The following COL25A1 variants were observed in gnomAD, a reference collection of about 807,000 sequenced individuals.
The protein encoded by COL25A1 is collagen alpha-1(XXV) chain.
A neutral mutation model predicts 128.4 loss-of-function variants in COL25A1; 103 were observed. The ratio of observed to expected loss-of-function variants is 0.80; its 90% CI spans 0.68 to 0.94. The LOEUF (loss-of-function observed/expected upper bound fraction) is 0.94. Ranked by LOEUF, COL25A1 falls within the 40% of genes least tolerant of loss-of-function variation. The probability of loss-of-function intolerance (pLI) is 0.00; values close to 1 mark genes in which losing one functional copy is unlikely to be tolerated. For missense variants in COL25A1, 745 were observed against 840.0 expected, an observed-to-expected ratio of 0.89 and a Z score of 1.40; for synonymous variants, 279 against 277.2, an observed-to-expected ratio of 1.01 and a Z score of -0.06.
At chr4:108,823,197 T>C (rs775252739) in intron 35 of COL25A1, among the ~76,000 whole-genome samples, 6 of 152,220 alleles carry the variant, frequency 3.9e-5, no homozygotes, top group Admixed American at 6.5e-5. Context: ...ACCTGAGAAA[T>C]ATAAGGTTTA....
chr4:108,951,956 T>G (rs1749490134), intron 8 of COL25A1, among the ~76,000 whole-genome samples: 1 of 152,116 alleles, frequency 6.6e-6, no homozygotes, highest in Non-Finnish European at 1.5e-5. Flanking sequence ...CTAATAAGAG[T>G]TTTAAGAAGG....
intron 6 of COL25A1, among the ~76,000 whole-genome samples, chr4:108,983,430 G>A (rs1337019889): frequency 6.6e-6 from 1 of 152,096 alleles, no homozygotes; most frequent in Admixed American, 6.5e-5. Flanking sequence ...TATAATTATC[G>A]ATTTCAGCAT....
At chr4:109,254,059 C>T (rs1037486191) in intron 3 of COL25A1, among the ~76,000 whole-genome samples, 2 of 151,180 alleles carry the variant, frequency 1.3e-5, no homozygotes, top group Admixed American at 6.6e-5. Flanking sequence ...TGCACTCCAG[C>T]CTGGGCGACA....
chr4:108,857,643 C>A (rs1167690268), intron 24 of COL25A1, among the ~76,000 whole-genome samples: 2 of 150,174 alleles, frequency 1.3e-5, no homozygotes, highest in East Asian at 1.9e-4. Context: ...AGGTACAGAT[C>A]TGTCATAATT....
intron 5 of COL25A1, among the ~76,000 whole-genome samples, chr4:109,047,909 T>C (rs1271310084): frequency 2.0e-5 from 3 of 151,930 alleles, no homozygotes; most frequent in African/African-American, 7.2e-5. Context: ...ATTTTTTGTA[T>C]TTTTAGTACA....
intron 3 of COL25A1, among the ~76,000 whole-genome samples, chr4:109,268,594 T>C (rs1049137778): frequency 2.6e-5 from 4 of 152,186 alleles, no homozygotes; most frequent in Admixed American, 2.6e-4. Flanking sequence ...ATTAAATATA[T>C]AGAGCCAAAG....
intron 18 of COL25A1, among the ~76,000 whole-genome samples, chr4:108,888,620 C>T (rs1243690497): frequency 6.6e-6 from 1 of 152,102 alleles, no homozygotes; most frequent in African/African-American, 2.4e-5. Flanking sequence ...AATAAAAAAA[C>T]AAAAACTAAT....
chr4:109,243,149 T>C (rs1780018526), intron 3 of COL25A1, among the ~76,000 whole-genome samples: 1 of 152,094 alleles, frequency 6.6e-6, no homozygotes, highest in African/African-American at 2.4e-5. Flanking sequence ...ACTATTTGAA[T>C]CTTCAACTAA....
At chr4:108,829,188 T>C (rs1001606583) in intron 32 of COL25A1, among the ~76,000 whole-genome samples, 1 of 152,144 alleles carries the variant, frequency 6.6e-6, no homozygotes, top group African/African-American at 2.4e-5. Flanking sequence ...TATTTCTTAA[T>C]AGTGAAATAT....
At chr4:109,282,083 G>A (rs1220507619) in intron 3 of COL25A1, among the ~76,000 whole-genome samples, 1 of 152,156 alleles carries the variant, frequency 6.6e-6, no homozygotes, top group Non-Finnish European at 1.5e-5. Context: ...TGGGAAAAAT[G>A]ATGATTTGCA....
intron 3 of COL25A1, among the ~76,000 whole-genome samples, chr4:109,196,093 T>C (rs1279006737): frequency 2.6e-5 from 4 of 152,226 alleles, no homozygotes; most frequent in Admixed American, 6.5e-5. Context: ...TCATGCTCCA[T>C]GCCTAATGCA....
intron 3 of COL25A1, among the ~76,000 whole-genome samples, chr4:109,242,384 A>G (rs918001211): frequency 1.1e-4 from 17 of 152,098 alleles, no homozygotes; most frequent in Non-Finnish European, 1.5e-5. Flanking sequence ...CTTTGCAATA[A>G]ACACACATAC....
chr4:108,863,072 G>A (rs1315578086), intron 21 of COL25A1, among the ~76,000 whole-genome samples: 1 of 152,166 alleles, frequency 6.6e-6, no homozygotes, highest in Admixed American at 6.5e-5. Flanking sequence ...GAGTGATAAT[G>A]TGTTAATATG....
chr4:109,238,750 C>A (rs1412917200), intron 3 of COL25A1, among the ~76,000 whole-genome samples: 2 of 152,030 alleles, frequency 1.3e-5, no homozygotes, highest in African/African-American at 4.8e-5. Flanking sequence ...TCCTTGTTTT[C>A]CCCATTCCTA....
intron 8 of COL25A1, among the ~76,000 whole-genome samples, chr4:108,961,627 T>TTCTGTTCTGTTC (rs1553984670): frequency 5.4e-5 from 8 of 149,090 alleles, no homozygotes; most frequent in East Asian, 2.0e-4. Context: ...TTCTGTTCTG[T>TTCTGTTCTGTTC]TGTTGTGTTG....
intron 3 of COL25A1, among the ~76,000 whole-genome samples, chr4:109,178,976 A>G (rs1774373284): frequency 2.0e-5 from 3 of 152,074 alleles, no homozygotes; most frequent in Non-Finnish European, 1.5e-5. Context: ...ACTGTAGAAT[A>G]TTAATCACTC....
At chr4:108,968,433 C>G (rs1751558929) in intron 8 of COL25A1, among the ~76,000 whole-genome samples, 1 of 152,046 alleles carries the variant, frequency 6.6e-6, no homozygotes, top group Non-Finnish European at 1.5e-5. Context: ...TTTGAAAGAC[C>G]TCATCCCTGA....
At chr4:108,974,037 C>T (rs1752181508) in intron 8 of COL25A1, among the ~76,000 whole-genome samples, 1 of 152,186 alleles carries the variant, frequency 6.6e-6, no homozygotes, top group South Asian at 2.1e-4. Flanking sequence ...CATATGGCCT[C>T]TATGTTGTGA....
intron 3 of COL25A1, among the ~76,000 whole-genome samples, chr4:109,151,467 G>A (rs1395634227): frequency 6.6e-6 from 1 of 151,994 alleles, no homozygotes; most frequent in Non-Finnish European, 1.5e-5. Flanking sequence ...AAAATTCCAT[G>A]GGAGAAAAAT....
Sources: gnomAD v4.1 joint callset for allele counts (sites outside exome capture counted in the v4.1 genomes callset) on GRCh38, gnomAD v4.1.1 for gene constraint, MANE v1.5 for transcripts, NCBI Gene and HGNC (gene_info 2026-07-23, HGNC 2026-07-21) for gene names.